The following MED28 variants were observed in gnomAD, a reference collection of about 807,000 sequenced individuals.
MED28 encodes the protein mediator of RNA polymerase II transcription subunit 28.
A neutral mutation model predicts 21.3 loss-of-function variants in MED28; 26 were observed. The observed-to-expected ratio is 1.22, with a 90% CI of 0.89 to 1.69. The LOEUF is 1.69. Ranked by LOEUF, MED28 falls within the 40% of genes most tolerant of loss-of-function variation. The pLI is 0.00. For missense variants in MED28, 257 were observed against 215.4 expected, an observed-to-expected ratio of 1.19 and a Z score of -1.21; for synonymous variants, 110 against 87.6, an observed-to-expected ratio of 1.26 and a Z score of -1.43.
chr4:17,633,319 TC>T lies in MED28; in HGVS notation c.*9523del. The T allele has an allele frequency of 5.9e-6, 1 of 170,376 alleles. No individual in the cohort carries two copies. Among genetic ancestry groups the T allele is most frequent in the Non-Finnish European group, 1.2e-5 (1 of 80,758 alleles). 10.6% of individuals were successfully genotyped at this position (170,376 alleles called of 1,614,324 possible). On this transcript the variant is annotated 3_prime_UTR_variant, in exon 4 of 4. Transcript: ENST00000237380. The stretch of plus-strand genomic sequence containing the variant: ...CTATATTGAAGATTTTTGTGCCAAG[TC>T]CTGTGCTAAGCACATCCTATGGATT...
chr4:17,624,075 A>ATC lies in MED28; in HGVS notation c.*278_*279insCT, dbSNP rs1714710601. 1.2e-5 allele frequency: 5 copies of ATC among 404,180 alleles called. No homozygotes were observed. In the South Asian group the frequency reaches 1.8e-4, roughly 14 times the overall value. The allele number at this position is 404,180 out of a possible 1,614,324, so 25.0% of individuals were successfully genotyped here. A position where few individuals can be genotyped will look rare whatever the true frequency, so the allele number is the denominator to read the frequency against. On this transcript the variant is annotated 3_prime_UTR_variant, in exon 4 of 4. Coordinates refer to ENST00000237380, the MANE Select transcript of MED28 (RefSeq NM_025205.5). Reference sequence around the variant, plus strand: ...AATATGATGACACAGATTCTTTTTTATGGTGGCTTTGCTTGTTTTAAATTT... The same window carrying ATC: ...AATATGATGACACAGATTCTTTTTTATCTGGTGGCTTTGCTTGTTTTAAATTT...
intron 3 of MED28, among the ~76,000 whole-genome samples, chr4:17,623,189 T>G (rs1196667025): frequency 1.3e-5 from 2 of 152,064 alleles, no homozygotes; most frequent in Admixed American, 1.3e-4. Context: ...TAACTTGAGG[T>G]CAGGAGTTCG....
intron 1 of MED28, among the ~76,000 whole-genome samples, chr4:17,615,577 C>T (rs1181935791): frequency 1.3e-5 from 2 of 152,032 alleles, no homozygotes; most frequent in Non-Finnish European, 2.9e-5. Flanking sequence ...TTTGGGAGGC[C>T]GAGGCTGGCG....
Position 17,629,704 on chromosome 4 carries a change from A to T in MED28, c.*5906A>T, listed in dbSNP as rs1463678821. 6.6e-6 allele frequency: 1 copy of T among 152,120 alleles called. No individual in the cohort carries two copies. Among genetic ancestry groups the T allele is most frequent in the Non-Finnish European group, 1.5e-5 (1 of 68,020 alleles). 9.4% of individuals were successfully genotyped at this position (152,120 alleles called of 1,614,324 possible). A position where few individuals can be genotyped will look rare whatever the true frequency, so the allele number is the denominator to read the frequency against. Reference sequence around the variant, plus strand: ...TCTCTTCATCTTCACTGTCACCTCTACGCCATCACTGTCATCTCTAGACCG... The same window carrying T: ...TCTCTTCATCTTCACTGTCACCTCTTCGCCATCACTGTCATCTCTAGACCG... On this transcript the variant is annotated 3_prime_UTR_variant, in exon 4 of 4. Coordinates refer to ENST00000237380, the MANE Select transcript of MED28 (RefSeq NM_025205.5).
chr4:17,617,252 C>T (rs969778672), intron 1 of MED28, among the ~76,000 whole-genome samples: 1 of 152,198 alleles, frequency 6.6e-6, no homozygotes, highest in Non-Finnish European at 1.5e-5. Context: ...GGAACTTTTC[C>T]TGTTTCCTTC....
intron 1 of MED28, among the ~76,000 whole-genome samples, 156 bp downstream of exon 1, chr4:17,614,969 G>C (rs575381249): frequency 2.6e-4 from 40 of 152,316 alleles, no homozygotes; most frequent in African/African-American, 9.6e-4. Flanking sequence ...CTTCCCCGTG[G>C]CCCGTATTCA....
chr4:17,632,748 C>A lies in MED28; in HGVS notation c.*8950C>A. The A allele has an allele frequency of 3.1e-6, 2 of 647,782 alleles. No individual in the cohort carries two copies. The highest frequency in any genetic ancestry group is 3.0e-5 in the East Asian group (1 of 33,794). 40.1% of individuals were successfully genotyped at this position (647,782 alleles called of 1,614,324 possible). On this transcript the variant is annotated 3_prime_UTR_variant, in exon 4 of 4. Coordinates refer to ENST00000237380, the MANE Select transcript of MED28 (RefSeq NM_025205.5). ...ACTCTTCAAAAACACCCAAATGGGACTGGCCAACATTAGTAGTGGGAAACA... is the reference window on the plus strand; with the variant it reads ...ACTCTTCAAAAACACCCAAATGGGAATGGCCAACATTAGTAGTGGGAAACA...
rs1465407790 is a variant in MED28 at position 17,630,877 on chromosome 4, ATAC to A, written c.*7080_*7082del. The A allele has an allele frequency of 3.9e-5, 6 of 152,188 alleles. No homozygotes were observed. The highest frequency in any genetic ancestry group is 5.9e-5 in the Non-Finnish European group (4 of 68,036). 9.4% of individuals were successfully genotyped at this position (152,188 alleles called of 1,614,324 possible). On this transcript the variant is annotated 3_prime_UTR_variant, in exon 4 of 4. Coordinates refer to ENST00000237380, the MANE Select transcript of MED28 (RefSeq NM_025205.5). ...AATTTTACCTTTCTGTGGAAAATCA[ATAC>A]AAGTCAACCATTTTTATTGCCCAGT...
intron 1 of MED28, among the ~76,000 whole-genome samples, chr4:17,617,009 T>C (rs1308650998): frequency 6.6e-6 from 1 of 152,182 alleles, no homozygotes; most frequent in Non-Finnish European, 1.5e-5. Flanking sequence ...GGCAGGCAGT[T>C]GCCTTGTTGT....
rs1715025622 is a variant in MED28 at position 17,633,487 on chromosome 4, T to C, written c.*9689T>C. The C allele has an allele frequency of 4.2e-6, 2 of 477,018 alleles. No homozygotes were observed. The highest frequency in any genetic ancestry group is 7.8e-5 in the Admixed American group (2 of 25,500). 29.5% of individuals were successfully genotyped at this position (477,018 alleles called of 1,614,324 possible). ...AGAATGAGGAAGACTGTAATTTGAA[T>C]TCAGACCTCCAGGCCAGATGGAGTC... On this transcript the variant is annotated 3_prime_UTR_variant, in exon 4 of 4. Coordinates refer to ENST00000237380, the MANE Select transcript of MED28 (RefSeq NM_025205.5).
chr4:17,618,204 T>C (rs1475573354), intron 1 of MED28, among the ~76,000 whole-genome samples: 3 of 151,968 alleles, frequency 2.0e-5, no homozygotes, highest in Admixed American at 1.3e-4. Flanking sequence ...AGACAGGGTT[T>C]CACCACGTTG....
In MED28 at chr4:17,634,052, A is replaced by G. The variant is rs899777025; in HGVS notation, c.*10254A>G. Reference sequence around the variant, plus strand: ...ATTTTTTAAAGCACTTTTCCCTCCAATCTTCATTTTGTATTATAAATAAAT... The same window carrying G: ...ATTTTTTAAAGCACTTTTCCCTCCAGTCTTCATTTTGTATTATAAATAAAT... On this transcript the variant is annotated 3_prime_UTR_variant, in exon 4 of 4. Coordinates refer to ENST00000237380, the MANE Select transcript of MED28 (RefSeq NM_025205.5). 6.4e-5 allele frequency: 32 copies of G among 498,840 alleles called. No individual in the cohort carries two copies. The highest frequency in any genetic ancestry group is 5.3e-4 in the Middle Eastern group (1 of 1,888). The allele number at this position is 498,840 out of a possible 1,614,324, so 30.9% of individuals were successfully genotyped here. A position where few individuals can be genotyped will look rare whatever the true frequency, so the allele number is the denominator to read the frequency against.
rs771566197 is a variant in MED28 at position 17,614,724 on chromosome 4, C to A, written c.70C>A (p.Pro24Thr). 1 of 1,614,254 alleles carries A rather than the reference C, an allele frequency of 6.2e-7. No individual in the cohort carries two copies. The highest frequency in any genetic ancestry group is 1.7e-5 in the Admixed American group (1 of 60,034). Residue 24 changes from proline to threonine, a missense_variant, in exon 1 of 4, where the codon CCG becomes ACG. Coordinates refer to ENST00000237380, the MANE Select transcript of MED28 (RefSeq NM_025205.5). ...PGPPQAPPGL[P>T]GQASLLQAAP... The stretch of plus-strand genomic sequence containing the variant: ...TCCCCCTCAGGCCCCGCCGGGCCTT[C>A]CGGGCCAAGCTTCGCTTCTTCAGGC...
chr4:17,620,916 C>A (rs1442159704), intron 2 of MED28, among the ~76,000 whole-genome samples: 2 of 151,712 alleles, frequency 1.3e-5, no homozygotes, highest in Non-Finnish European at 2.9e-5. Context: ...CTGTATTGCC[C>A]AGGCTGGTCT....
Position 17,628,446 on chromosome 4 carries a change from C to T in MED28, c.*4648C>T, listed in dbSNP as rs1374624274. The T allele has an allele frequency of 6.6e-6, 1 of 152,004 alleles. No homozygotes were observed. The highest frequency in any genetic ancestry group is 6.6e-5 in the Admixed American group (1 of 15,246). 9.4% of individuals were successfully genotyped at this position (152,004 alleles called of 1,614,324 possible). On this transcript the variant is annotated 3_prime_UTR_variant, in exon 4 of 4. Transcript: ENST00000237380. ...TCAGTGCCCCCATTCTGACAGCATC[C>T]AATCGAGTGAATCCTCACTTCCTTG...
At position 17,629,468 on chromosome 4, in the gene MED28, T is replaced by G. The variant is rs1363811367; in HGVS notation, c.*5670T>G. On this transcript the variant is annotated 3_prime_UTR_variant, in exon 4 of 4. Transcript: ENST00000237380. ...GTGTTAGAGCAGTTAAGGGCTCAGG[T>G]ATGTGGTGTGCAGCCATTGACTGGG... The G allele has an allele frequency of 6.6e-6, 1 of 152,210 alleles. No individual in the cohort carries two copies. 9.4% of individuals were successfully genotyped at this position (152,210 alleles called of 1,614,324 possible). A position where few individuals can be genotyped will look rare whatever the true frequency, so the allele number is the denominator to read the frequency against.
chr4:17,633,640 A>C lies in MED28; in HGVS notation c.*9842A>C. On this transcript the variant is annotated 3_prime_UTR_variant, in exon 4 of 4. Transcript: ENST00000237380. ...TAGAAAGAATCCTACTTCCCCTCTT[A>C]TCTACAGGGAAATAGAATAAGGGCC... 7.2e-7 allele frequency: 1 copy of C among 1,389,838 alleles called. No homozygotes were observed. The highest frequency in any genetic ancestry group is 1.7e-5 in the South Asian group (1 of 60,304). 86.1% of individuals were successfully genotyped at this position (1,389,838 alleles called of 1,614,324 possible).
chr4:17,614,866 G>A (rs1714400875), intron 1 of MED28, 53 bp downstream of exon 1: 1 of 1,537,598 alleles, frequency 6.5e-7, no homozygotes, highest in Admixed American at 2.2e-5. Flanking sequence ...TTTCTGAAAC[G>A]TGAACTGCGC....
chr4:17,619,168 T>G (rs1714545056), intron 1 of MED28, among the ~76,000 whole-genome samples: 1 of 152,238 alleles, frequency 6.6e-6, no homozygotes, highest in Non-Finnish European at 1.5e-5. Context: ...TCCTTAGAGT[T>G]GCTTGTGCAC....
Sources: allele counts gnomAD v4.1 joint callset (sites outside exome capture counted in the v4.1 genomes callset), GRCh38; gene constraint gnomAD v4.1.1; transcripts MANE v1.5; gene names NCBI Gene and HGNC (gene_info 2026-07-23, HGNC 2026-07-21).